Variants in C3orf22 observed in about 807,000 individuals in gnomAD.
C3orf22 encodes the protein chromosome 3 open reading frame 22, also known as uncharacterized protein C3orf22.
A neutral mutation model predicts 10.8 loss-of-function variants in C3orf22; 7 were observed. The observed-to-expected ratio is 0.65, with a 90% confidence interval of 0.37 to 1.22. The LOEUF (loss-of-function observed/expected upper bound fraction) is 1.22. C3orf22 is among the 50% of genes most tolerant of loss of function. The pLI, the probability that C3orf22 is intolerant of heterozygous loss-of-function variation, is 0.02. For synonymous variants in C3orf22, 79 were observed against 78.9 expected (o/e 1.00, Z 0.00); for missense variants, 173 against 177.0 (o/e 0.98, Z 0.13).
intron 1 of C3orf22, among the ~76,000 whole-genome samples, chr3:126,554,988 T>C (rs1434307657): frequency 1.3e-5 from 2 of 152,200 alleles, no homozygotes; most frequent in Admixed American, 1.3e-4. Context: ...CATGAGGCTA[T>C]CAGCTGAGCA....
chr3:126,536,927 C>T (rs1159203653), intron 4 of C3orf22, among the ~76,000 whole-genome samples: 1 of 144,406 alleles, frequency 6.9e-6, no homozygotes, highest in African/African-American at 2.7e-5. Flanking sequence ...ACACACACCC[C>T]ACACACACAA....
chr3:126,541,858 C>T, intron 4 of C3orf22: 1 of 1,588,794 alleles, frequency 6.3e-7, no homozygotes, highest in Admixed American at 1.7e-5. Context: ...TGCTGGTGGA[C>T]GACGCGCATG....
intron 1 of C3orf22, among the ~76,000 whole-genome samples, chr3:126,557,129 C>T (rs1937366740): frequency 6.6e-6 from 1 of 152,126 alleles, no homozygotes; most frequent in Non-Finnish European, 1.5e-5. Context: ...GACACTCTTA[C>T]AGACTCACAC....
At chr3:126,550,269 C>G (rs751064729) in intron 3 of C3orf22, among the ~76,000 whole-genome samples, 191 bp from the exon 4 acceptor site, 1 of 151,922 alleles carries the variant, frequency 6.6e-6, no homozygotes, top group South Asian at 2.1e-4. Flanking sequence ...ATGGGGGCAC[C>G]GCACACTCAC....
At chr3:126,549,252 C>A (rs77442139), downstream of C3orf22, among the ~76,000 whole-genome samples, 1 of 127,154 alleles carries the variant, frequency 7.9e-6, no homozygotes, top group Admixed American at 7.8e-5. Context: ...CTCATCCACG[C>A]CCCCCCCCCC....
rs1384977917 is a variant in C3orf22, at chr3:126,549,707, C to T, written c.*161G>A. 1 of 1,524,442 alleles carries T rather than the reference C, an allele frequency of 6.6e-7. No homozygotes were observed. Among genetic ancestry groups the T allele is most frequent in the African/African-American group, 1.4e-5 (1 of 72,868 alleles). 94.4% of individuals were successfully genotyped at this position (1,524,442 alleles called of 1,614,324 possible). ...CAGCTGGAAGTGGGGTGGGAACTCG[C>T]AGTTTATTAGCTTGGTGTAGCTTTT... On this transcript the variant is annotated 3_prime_UTR_variant, in exon 4 of 4. Transcript: ENST00000318225.
At chr3:126,529,745 C>T (rs753715371) in intron 4 of C3orf22, among the ~76,000 whole-genome samples, 4 of 152,170 alleles carry the variant, frequency 2.6e-5, no homozygotes, top group Non-Finnish European at 4.4e-5. Flanking sequence ...TGGCACTCCT[C>T]CCATCCCTCC....
chr3:126,539,988 G>GACAC (rs368474448), intron 4 of C3orf22, among the ~76,000 whole-genome samples: 1 of 72,904 alleles, frequency 1.4e-5, no homozygotes, highest in African/African-American at 5.1e-5. Context: ...ACACACGCAT[G>GACAC]ACACACACAC....
intron 4 of C3orf22, among the ~76,000 whole-genome samples, chr3:126,541,394 A>T (rs1436400537): frequency 2.6e-5 from 4 of 152,166 alleles, no homozygotes; most frequent in Non-Finnish European, 4.4e-5. Context: ...CTTTTAGTAA[A>T]CATTGAAGAG....
intron 1 of C3orf22, 46 bp from the exon 2 acceptor site, chr3:126,553,476 G>C: frequency 8.6e-7 from 1 of 1,163,862 alleles, no homozygotes; most frequent in Non-Finnish European, 1.3e-6. Flanking sequence ...GTGGTGGGGG[G>C]CAGAAGGCAG....
chr3:126,551,238 C>G (rs1402972727), intron 3 of C3orf22, among the ~76,000 whole-genome samples: 6 of 147,312 alleles, frequency 4.1e-5, no homozygotes, highest in Non-Finnish European at 9.1e-5. Context: ...ATGGAAAAGT[C>G]AACACAGACC....
chr3:126,552,456 G>A (rs1937215044), intron 2 of C3orf22, among the ~76,000 whole-genome samples: 1 of 152,242 alleles, frequency 6.6e-6, no homozygotes, highest in Admixed American at 6.5e-5. Context: ...ACTCTGTGTG[G>A]TGTGTACCTG....
At chr3:126,530,180 GGGCAGGGTGGCA>G (rs1430583240) in intron 4 of C3orf22, among the ~76,000 whole-genome samples, 1 of 152,244 alleles carries the variant, frequency 6.6e-6, no homozygotes, top group African/African-American at 2.4e-5. Flanking sequence ...AGGCTCCTCG[GGGCAGGGTGGCA>G]GGCAGGGTGG....
downstream of C3orf22, among the ~76,000 whole-genome samples, chr3:126,549,359 C>T (rs953266349): frequency 6.6e-6 from 1 of 152,214 alleles, no homozygotes; most frequent in African/African-American, 2.4e-5. Context: ...TTGTAACAGA[C>T]CTGTACATCA....
At position 126,553,371 on chromosome 3, in the gene C3orf22, T is replaced by C. The variant is rs773973818; in HGVS notation, c.20A>G (p.Lys7Arg). 3.7e-6 allele frequency: 6 copies of C among 1,613,954 alleles called. No individual in the cohort carries two copies. In the South Asian group the frequency reaches 4.4e-5, roughly 12 times the overall value. ...CCACTTCTTACTCTGGTGAGACTTC[T>C]TGCAGGCACTGGAGTCCATCACTGA... MDSSAC[K>R]KSHQSKKWRI... is the part of the protein sequence containing the mutation. The change falls in exon 2 of 4, where the codon AAG becomes AGG. Residue 7 changes from lysine to arginine, a missense_variant. Coordinates refer to ENST00000318225, the MANE Select transcript of C3orf22 (RefSeq NM_152533.3).
At chr3:126,551,433 T>A (rs2107580749) in intron 3 of C3orf22, among the ~76,000 whole-genome samples, 1 of 152,270 alleles carries the variant, frequency 6.6e-6, no homozygotes, top group Middle Eastern at 3.4e-3. Context: ...TTTCTCCACA[T>A]CTGTTTAGGA....
At chr3:126,535,950 T>C (rs1482300656) in intron 4 of C3orf22, among the ~76,000 whole-genome samples, 1 of 151,950 alleles carries the variant, frequency 6.6e-6, no homozygotes, top group Non-Finnish European at 1.5e-5. Flanking sequence ...AGTGGGTGAG[T>C]TTGGGTGATC....
chr3:126,554,921 T>C (rs1252124185), intron 1 of C3orf22, among the ~76,000 whole-genome samples: 12 of 152,190 alleles, frequency 7.9e-5, no homozygotes, highest in Admixed American at 7.9e-4. Context: ...AGTAGAACTT[T>C]CTGAGATGAT....
At chr3:126,533,037 C>G (rs1219016856) in intron 4 of C3orf22, among the ~76,000 whole-genome samples, 1 of 152,118 alleles carries the variant, frequency 6.6e-6, no homozygotes, top group East Asian at 1.9e-4. Flanking sequence ...TTTGATTATT[C>G]ATTGCTAGTA....
Sources: allele counts gnomAD v4.1 joint callset (sites outside exome capture counted in the v4.1 genomes callset), GRCh38; gene constraint gnomAD v4.1.1; transcripts MANE v1.5; gene names NCBI Gene and HGNC (gene_info 2026-07-23, HGNC 2026-07-21).